STK32B: variants seen among roughly 807,000 people sequenced by gnomAD.
STK32B encodes the protein serine/threonine kinase 32B.
In STK32B, 43 loss-of-function variants were observed where a neutral mutation model predicts 52.6. The ratio of observed to expected loss-of-function variants is 0.82; its 90% CI spans 0.64 to 1.05. The LOEUF (loss-of-function observed/expected upper bound fraction) is 1.05. STK32B is among the 50% of genes least tolerant of loss of function. STK32B has a pLI of 0.00. For missense variants in STK32B, 621 were observed against 534.6 expected, an observed-to-expected ratio of 1.16 and a Z score of -1.59; for synonymous variants, 238 against 204.3, an observed-to-expected ratio of 1.17 and a Z score of -1.41.
rs139253606 is a variant in STK32B at position 5,416,878 on chromosome 4, C to T, written c.506C>T (p.Thr169Met). ...CACATTACAGACTTCAACATAGCGA[C>T]GGTAGTGAAAGGAGCAGAAAGGGCT... Reference protein sequence around the residue: ...HVHITDFNIATVVKGAERASS... With the variant: ...HVHITDFNIAMVVKGAERASS... The change falls in exon 6 of 12, where the codon ACG becomes ATG. Residue 169 changes from threonine (T) to methionine (M), a missense_variant. By Grantham distance (81) the Thr-to-Met change is moderately conservative. Transcript: ENST00000282908. 1.3e-4 allele frequency: 209 copies of T among 1,613,946 alleles called. No individual in the cohort carries two copies. Among genetic ancestry groups the T allele is most frequent in the Admixed American group, 2.7e-4 (16 of 59,992 alleles).
rs191166361 is a variant in STK32B, at chr4:5,223,867, G to A, written c.260+55417G>A. On this transcript the variant is annotated intron_variant, in intron 3 of 11. Transcript: ENST00000282908. ...TTATTCTCCAACTTTAAGACTTAAT[G>A]TTGTTTACCTTTTGGGTTTTGGACT... Among the ~76,000 whole-genome samples, 204 of 149,340 alleles carry A rather than the reference G, an allele frequency of 1.4e-3. 1 individual carries two copies. Among genetic ancestry groups the A allele is most frequent in the African/African-American group, 4.8e-3 (196 of 40,734 alleles).
chr4:5,023,229 T>G, the STK32B span, among the ~76,000 whole-genome samples: 3 of 152,174 alleles, frequency 2.0e-5, no homozygotes, highest in Admixed American at 1.3e-4. Context: ...GATCATAAAT[T>G]CGTGATGCTT....
chr4:5,100,389 C>T (rs1442763138), intron 1 of STK32B, among the ~76,000 whole-genome samples: 3 of 133,702 alleles, frequency 2.2e-5, no homozygotes, highest in East Asian at 2.4e-4. Context: ...CTTCTTCCTT[C>T]CTTCCTTCTT....
chr4:5,311,805 C>T (rs1391183052), intron 3 of STK32B, among the ~76,000 whole-genome samples: 1 of 151,920 alleles, frequency 6.6e-6, no homozygotes, highest in East Asian at 1.9e-4. Context: ...AAATCAGGCT[C>T]AGATGATTTC....
chr4:5,041,116 G>A, the STK32B span, among the ~76,000 whole-genome samples: 14 of 152,252 alleles, frequency 9.2e-5, no homozygotes, highest in East Asian at 5.8e-4. Context: ...GTCTCTTCTC[G>A]TTGATAGAAA....
At chr4:5,100,694 TTTCCTTCCTTCCTTTCTTCC>T (rs1353873703) in intron 1 of STK32B, among the ~76,000 whole-genome samples, 4 of 40,946 alleles carry the variant, frequency 9.8e-5, no homozygotes, top group Non-Finnish European at 1.3e-4. Flanking sequence ...ACTTTCTTTC[TTTCCTTCCTTCCTTTCTTCC>T]TTCCCTCCTT....
At position 5,240,261 on chromosome 4, in the gene STK32B, T is replaced by C. The variant is rs184028787; in HGVS notation, c.260+71811T>C. The stretch of plus-strand genomic sequence containing the variant: ...ACTCCTACCACACATGTTAAACCAA[T>C]TGATGTTTTCCCGCCAATCTTGAAT... On this transcript the variant is annotated intron_variant, in intron 3 of 11. Coordinates refer to ENST00000282908, the MANE Select transcript of STK32B (RefSeq NM_018401.3). Among the ~76,000 whole-genome samples the C allele has an allele frequency of 3.5e-3, 536 of 152,284 alleles. 4 individuals carry two copies. Among genetic ancestry groups the C allele is most frequent in the Middle Eastern group, 0.017 (5 of 294 alleles).
At chr4:5,035,807 G>A in the STK32B span, among the ~76,000 whole-genome samples, 4 of 146,664 alleles carry the variant, frequency 2.7e-5, no homozygotes, top group South Asian at 4.3e-4. Context: ...TTTGAGGGAC[G>A]AAGTCTCGCT....
intron 2 of STK32B, among the ~76,000 whole-genome samples, chr4:5,144,168 G>A (rs1716725566): frequency 6.6e-6 from 1 of 152,178 alleles, no homozygotes. Flanking sequence ...AAGGCAGTGT[G>A]GCGCAACACA....
At chr4:5,315,723 G>A (rs1421441949) in intron 3 of STK32B, among the ~76,000 whole-genome samples, 12 of 145,726 alleles carry the variant, frequency 8.2e-5, no homozygotes, top group African/African-American at 3.1e-4. Flanking sequence ...CCAGACTCCA[G>A]TTTCGCCCTG....
At chr4:5,147,564 T>C (rs1717010457) in intron 2 of STK32B, among the ~76,000 whole-genome samples, 1 of 152,096 alleles carries the variant, frequency 6.6e-6, no homozygotes, top group Non-Finnish European at 1.5e-5. Flanking sequence ...TGTAAGTTTT[T>C]CAGAGATGCT....
chr4:5,495,487 T>C (rs1237152544), intron 11 of STK32B, among the ~76,000 whole-genome samples: 1 of 152,184 alleles, frequency 6.6e-6, no homozygotes, highest in African/African-American at 2.4e-5. Context: ...CTGAATTTTT[T>C]TCAAAGTTTT....
intron 3 of STK32B, among the ~76,000 whole-genome samples, chr4:5,299,193 C>G (rs535134257): frequency 2.6e-5 from 4 of 152,104 alleles, no homozygotes; most frequent in African/African-American, 9.6e-5. Context: ...AATTACCCAC[C>G]TTTTGCGTTG....
chr4:5,331,467 T>A (rs1368996601), intron 4 of STK32B, 74 bp downstream of exon 4: 40 of 1,485,992 alleles, frequency 2.7e-5, no homozygotes, highest in Non-Finnish European at 1.1e-5. Context: ...TCTGCAGTAG[T>A]GGGGAGAGAA....
At chr4:5,248,536 C>T (rs769553708) in intron 3 of STK32B, among the ~76,000 whole-genome samples, 6 of 152,146 alleles carry the variant, frequency 3.9e-5, no homozygotes, top group South Asian at 2.1e-4. Flanking sequence ...AAATTTGACA[C>T]CTGGGAGACA....
intron 3 of STK32B, among the ~76,000 whole-genome samples, chr4:5,172,647 C>T (rs1040395684): frequency 2.0e-5 from 3 of 152,148 alleles, no homozygotes; most frequent in Non-Finnish European, 4.4e-5. Flanking sequence ...CCTTGCATCC[C>T]AGGGATGAAC....
chr4:5,082,836 C>G (rs1023348735), intron 1 of STK32B, among the ~76,000 whole-genome samples: 1 of 151,976 alleles, frequency 6.6e-6, no homozygotes, highest in Admixed American at 6.6e-5. Flanking sequence ...GCTTTATTTC[C>G]CAGGAAGATT....
intron 4 of STK32B, among the ~76,000 whole-genome samples, chr4:5,335,396 C>T (rs1732590137): frequency 6.6e-6 from 1 of 152,004 alleles, no homozygotes; most frequent in Non-Finnish European, 1.5e-5. Flanking sequence ...TGCTAGCGGT[C>T]TATCAGTTTT....
chr4:5,240,035 T>C lies in STK32B; in HGVS notation c.260+71585T>C, dbSNP rs56246357. Among the ~76,000 whole-genome samples, 1,273 of 148,430 alleles carry C rather than the reference T, an allele frequency of 8.6e-3. 23 individuals are homozygous for C. Among genetic ancestry groups the C allele is most frequent in the African/African-American group, 0.025 (951 of 38,544 alleles). ...ATCTCTCTCTCCCTTTTTTTCTCTT[T>C]CCCCCCTTCATTTCTCTTCTCTCTC... On this transcript the variant is annotated intron_variant, in intron 3 of 11. Transcript: ENST00000282908.
Sources: allele counts gnomAD v4.1 joint callset (sites outside exome capture counted in the v4.1 genomes callset), GRCh38; gene constraint gnomAD v4.1.1; transcripts MANE v1.5; gene names NCBI Gene and HGNC (gene_info 2026-07-23, HGNC 2026-07-21).